The following STARD6 variants were observed in gnomAD, a reference collection of about 807,000 sequenced individuals.
STARD6 encodes StAR related lipid transfer domain containing 6.
In STARD6, 21 loss-of-function variants were observed where a neutral mutation model predicts 22.3. The ratio of observed to expected loss-of-function variants is 0.94; its 90% CI spans 0.67 to 1.35. The LOEUF is 1.35. Among genes scored for constraint, STARD6 ranks in the 40% most tolerant of loss-of-function variants. The pLI, the probability that STARD6 is intolerant of heterozygous loss-of-function variation, is 0.00. For missense variants in STARD6, 269 were observed against 266.9 expected, an observed-to-expected ratio of 1.01 and a Z score of -0.05; for synonymous variants, 80 against 88.1, an observed-to-expected ratio of 0.91 and a Z score of 0.52.
chr18:54,333,941 C>T (rs2088887517), intron 5 of STARD6, among the ~76,000 whole-genome samples: 1 of 151,724 alleles, frequency 6.6e-6, no homozygotes, highest in Non-Finnish European at 1.5e-5. Flanking sequence ...AGTTTTATTC[C>T]ATCATTCACA....
At chr18:54,326,507 T>G (rs923108043) in intron 7 of STARD6, among the ~76,000 whole-genome samples, 1 of 151,674 alleles carries the variant, frequency 6.6e-6, no homozygotes, top group Admixed American at 6.6e-5. Flanking sequence ...AATTTTTGTA[T>G]TTTTGGTAGA....
At position 54,324,772 on chromosome 18, in the gene STARD6, AGTT is replaced by A; in HGVS notation, c.580_582del (p.Asn194del). The A allele has an allele frequency of 6.2e-7, 1 of 1,611,078 alleles. No homozygotes were observed. The highest frequency in any genetic ancestry group is 8.5e-7 in the Non-Finnish European group (1 of 1,178,932). On this transcript the variant is annotated inframe_deletion, in exon 8 of 8. Coordinates refer to ENST00000307844, the MANE Select transcript of STARD6 (RefSeq NM_139171.2). ...ATTCCATCTTTTGCATTGAGGATGAAGTTTACTAAGTTGGAAGGCATGGTTTTT... is the reference window on the plus strand; with the variant it reads ...ATTCCATCTTTTGCATTGAGGATGAATACTAAGTTGGAAGGCATGGTTTTT...
intron 3 of STARD6, 155 bp downstream of exon 3, chr18:54,354,329 A>C (rs888696789): frequency 1.5e-6 from 1 of 687,194 alleles, no homozygotes; most frequent in African/African-American, 1.8e-5. Context: ...CCTGTGCTCA[A>C]GCAGTCCTCC....
rs1359380581 is a variant in STARD6 at position 54,349,569 on chromosome 18, G to T, written c.140+4485C>A. On this transcript the variant is annotated intron_variant, in intron 4 of 7. Transcript: ENST00000307844. Reference sequence around the variant, plus strand: ...TTTTGGCTACATGGATAAATTCTGTGGTGGTAATTTCTTGAGATTTTGGTG... The same window carrying T: ...TTTTGGCTACATGGATAAATTCTGTTGTGGTAATTTCTTGAGATTTTGGTG... Among the ~76,000 whole-genome samples, 5 of 152,036 alleles carry T rather than the reference G, an allele frequency of 3.3e-5. No individual in the cohort carries two copies. In the East Asian group the frequency reaches 9.6e-4, roughly 29 times the overall value.
intron 4 of STARD6, among the ~76,000 whole-genome samples, chr18:54,340,883 A>G (rs1329348810): frequency 6.6e-6 from 1 of 152,212 alleles, no homozygotes; most frequent in Non-Finnish European, 1.5e-5. Flanking sequence ...CTATTAGCAG[A>G]GATAAAGAGG....
chr18:54,335,501 G>A (rs183131073), intron 5 of STARD6, among the ~76,000 whole-genome samples: 18 of 152,110 alleles, frequency 1.2e-4, no homozygotes, highest in African/African-American at 4.1e-4. Context: ...GCCCCAGGTG[G>A]TTATTTTTAT....
intron 4 of STARD6, among the ~76,000 whole-genome samples, chr18:54,341,102 C>G (rs2088964506): frequency 1.3e-5 from 2 of 152,200 alleles, no homozygotes; most frequent in South Asian, 2.1e-4. Context: ...GTTGCCCAGG[C>G]TGGAGGGCAT....
At chr18:54,334,000 C>T (rs2144671268) in intron 5 of STARD6, among the ~76,000 whole-genome samples, 1 of 152,296 alleles carries the variant, frequency 6.6e-6, no homozygotes, top group South Asian at 2.1e-4. Flanking sequence ...ATCTAGGACT[C>T]ATTTTTAAAA....
At chr18:54,350,615 G>A (rs2089086778) in intron 4 of STARD6, among the ~76,000 whole-genome samples, 1 of 152,092 alleles carries the variant, frequency 6.6e-6, no homozygotes, top group Non-Finnish European at 1.5e-5. Context: ...TATGGTTTCA[G>A]GTCTTAGATT....
chr18:54,326,204 CTTTGAGATGCTAAAGG>C (rs2088823358), intron 7 of STARD6, among the ~76,000 whole-genome samples: 1 of 151,352 alleles, frequency 6.6e-6, no homozygotes, highest in African/African-American at 2.4e-5. Context: ...ATATAAAAAT[CTTTGAGATGCTAAAGG>C]GAAAATCTGA....
intron 2 of STARD6, among the ~76,000 whole-genome samples, chr18:54,355,413 A>C (rs574363818): frequency 6.6e-6 from 1 of 152,154 alleles, no homozygotes; most frequent in Non-Finnish European, 1.5e-5. Flanking sequence ...CCTAAAATTC[A>C]TATGTTGAAA....
chr18:54,341,971 A>C lies in STARD6; in HGVS notation c.141-4720T>G, dbSNP rs557303465. ...ATAGAAAAATAAGAAAATTAATAAA[A>C]CCACAAGTTGTATCTTTGAAAAGAT... On this transcript the variant is annotated intron_variant, in intron 4 of 7. Coordinates refer to ENST00000307844, the MANE Select transcript of STARD6 (RefSeq NM_139171.2). Among the ~76,000 whole-genome samples the C allele has an allele frequency of 1.2e-4, 19 of 152,318 alleles. 1 individual carries two copies. The East Asian group carries it at 3.5e-3, about 28-fold the overall frequency.
At chr18:54,355,190 A>G (rs941073148) in intron 2 of STARD6, among the ~76,000 whole-genome samples, 1 of 152,008 alleles carries the variant, frequency 6.6e-6, no homozygotes, top group Non-Finnish European at 1.5e-5. Flanking sequence ...CCTCACATAC[A>G]ATAAAGCAAT....
chr18:54,331,330 A>T (rs1313948179), intron 6 of STARD6, among the ~76,000 whole-genome samples: 1 of 152,202 alleles, frequency 6.6e-6, no homozygotes, highest in Non-Finnish European at 1.5e-5. Flanking sequence ...ATAAAAGCAC[A>T]TTTATGTAAA....
Position 54,331,830 on chromosome 18 carries a change from T to C in STARD6, c.297A>G (p.Gln99=). ...GGGAAATGGAGCCCACGGCAAAACT[T>C]TGTGTAATGGTATGACATATGAATG... The part of the protein sequence containing the change: ...SDTFICHTIT[Q]SFAVGSISPR... The change falls in exon 6 of 8, where the codon CAA becomes CAG. Residue 99 remains glutamine, a synonymous_variant. Transcript: ENST00000307844. 1 of 1,612,798 alleles carries C rather than the reference T, an allele frequency of 6.2e-7. No individual in the cohort carries two copies.
intron 4 of STARD6, among the ~76,000 whole-genome samples, chr18:54,347,780 T>A: frequency 6.6e-6 from 1 of 152,090 alleles, no homozygotes; most frequent in Non-Finnish European, 1.5e-5. Context: ...TTAGAACTCT[T>A]TATTTTGGTC....
At chr18:54,329,305 T>G (rs772312594) in intron 7 of STARD6, 42 bp downstream of exon 7, 1 of 1,468,676 alleles carries the variant, frequency 6.8e-7, no homozygotes, top group South Asian at 1.4e-5. Context: ...CAAGTTGAAC[T>G]AAAAAAACCT....
chr18:54,340,096 C>G (rs547439646), intron 4 of STARD6, among the ~76,000 whole-genome samples: 3 of 151,874 alleles, frequency 2.0e-5, no homozygotes, highest in South Asian at 2.1e-4. Context: ...TGTATTCTTA[C>G]GGATATATAT....
Position 54,327,613 on chromosome 18 carries a change from G to A in STARD6, c.479+1734C>T, listed in dbSNP as rs150737336. 3.9e-5 allele frequency among the ~76,000 whole-genome samples: 6 copies of A among 152,228 alleles called. No homozygotes were observed. The East Asian group carries it at 1.2e-3, about 29-fold the overall frequency. On this transcript the variant is annotated intron_variant, in intron 7 of 7. Transcript: ENST00000307844. ...TAACCGCTTTTTAAAAAATGTCAATGTTTAGCGCATGCTGGGAATTGTACT... is the reference window on the plus strand; with the variant it reads ...TAACCGCTTTTTAAAAAATGTCAATATTTAGCGCATGCTGGGAATTGTACT...
Sources: allele counts gnomAD v4.1 joint callset (sites outside exome capture counted in the v4.1 genomes callset), GRCh38; gene constraint gnomAD v4.1.1; transcripts MANE v1.5; gene names NCBI Gene and HGNC (gene_info 2026-07-23, HGNC 2026-07-21).